The following BRD10 variants were observed in gnomAD, a reference collection of about 807,000 sequenced individuals.
BRD10 encodes uncharacterized bromodomain-containing protein 10.
chr9:5,976,503 G>A, the BRD10 span, among the ~76,000 whole-genome samples: 3 of 152,116 alleles, frequency 2.0e-5, no homozygotes, highest in African/African-American at 7.2e-5. Context: ...AGAGAAAACT[G>A]ATTTTGGTTA....
chr9:5,953,596 G>A, the BRD10 span, among the ~76,000 whole-genome samples: 1 of 151,854 alleles, frequency 6.6e-6, no homozygotes, highest in Non-Finnish European at 1.5e-5. Context: ...CCAAATAAAT[G>A]AAAACGAACT....
chr9:5,994,455 A>G, the BRD10 span, among the ~76,000 whole-genome samples: 1 of 152,192 alleles, frequency 6.6e-6, no homozygotes, highest in African/African-American at 2.4e-5. Flanking sequence ...AGCACTTATT[A>G]AAGACCATTA....
chr9:5,904,433 T>C, the BRD10 span, among the ~76,000 whole-genome samples: 3 of 152,196 alleles, frequency 2.0e-5, no homozygotes, highest in African/African-American at 7.2e-5. Flanking sequence ...GGACATTTTA[T>C]ATGATTCCAT....
chr9:5,949,934 T>C, the BRD10 span, among the ~76,000 whole-genome samples: 1 of 152,162 alleles, frequency 6.6e-6, no homozygotes, highest in East Asian at 1.9e-4. Context: ...AAAAGAATTT[T>C]ACCAATTTAA....
the BRD10 span, chr9:5,914,200 T>G: frequency 3.0e-6 from 1 of 335,094 alleles, no homozygotes; most frequent in South Asian, 2.5e-5. Context: ...AAGGTTAAAA[T>G]TGTAAGGGCT....
At chr9:5,920,209 T>G in the BRD10 span, 1 of 1,613,908 alleles carries the variant, frequency 6.2e-7, no homozygotes, top group South Asian at 1.1e-5. Context: ...ATTGAATGCC[T>G]TGGCCACTGT....
the BRD10 span, among the ~76,000 whole-genome samples, chr9:5,995,845 A>G: frequency 6.6e-6 from 1 of 152,224 alleles, no homozygotes; most frequent in Non-Finnish European, 1.5e-5. Flanking sequence ...ACAGGGATTT[A>G]GCAAAGAACA....
the BRD10 span, among the ~76,000 whole-genome samples, chr9:5,979,577 C>A: frequency 4.0e-5 from 6 of 151,606 alleles, no homozygotes; most frequent in African/African-American, 1.2e-4. Context: ...AAAAAAGGAA[C>A]AATGAACAGA....
At chr9:5,956,231 G>A in the BRD10 span, among the ~76,000 whole-genome samples, 3 of 152,034 alleles carry the variant, frequency 2.0e-5, no homozygotes, top group African/African-American at 7.2e-5. Flanking sequence ...CTAAACACAG[G>A]TACTAAATTC....
At chr9:5,922,858 G>T in the BRD10 span, 1 of 1,613,988 alleles carries the variant, frequency 6.2e-7, no homozygotes, top group African/African-American at 1.3e-5. Context: ...GCTTTATCGG[G>T]CTTGCTTCCG....
the BRD10 span, among the ~76,000 whole-genome samples, chr9:5,977,159 G>T: frequency 6.6e-6 from 1 of 152,194 alleles, no homozygotes; most frequent in Non-Finnish European, 1.5e-5. Context: ...CAACTGACTT[G>T]CTCCTAGAAG....
At chr9:5,897,620 T>C in the BRD10 span, 2 of 1,614,140 alleles carry the variant, frequency 1.2e-6, no homozygotes, top group Non-Finnish European at 8.5e-7. Flanking sequence ...GCTGTTGGTA[T>C]TGTAGAAGAC....
the BRD10 span, among the ~76,000 whole-genome samples, chr9:5,952,419 A>G: frequency 3.9e-5 from 6 of 152,314 alleles, no homozygotes; most frequent in Admixed American, 6.5e-5. Context: ...CACACATACA[A>G]TTGAAACCAA....
At chr9:5,981,900 G>A in the BRD10 span, among the ~76,000 whole-genome samples, 17 of 152,180 alleles carry the variant, frequency 1.1e-4, no homozygotes, top group African/African-American at 4.1e-4. Context: ...AAGTTGTTAA[G>A]AGATAAAAGA....
chr9:5,999,924 ACT>A, the BRD10 span, among the ~76,000 whole-genome samples: 1 of 152,082 alleles, frequency 6.6e-6, no homozygotes, highest in Non-Finnish European at 1.5e-5. Flanking sequence ...GCTTTTGAAC[ACT>A]GTGTCCATCC....
the BRD10 span, chr9:5,968,540 C>G: frequency 6.2e-7 from 1 of 1,613,522 alleles, no homozygotes; most frequent in South Asian, 1.1e-5. Flanking sequence ...GGATTTTACT[C>G]CCATTTCAAC....
chr9:5,934,424 T>C, the BRD10 span, among the ~76,000 whole-genome samples: 1 of 149,738 alleles, frequency 6.7e-6, no homozygotes, highest in Non-Finnish European at 1.5e-5. Flanking sequence ...AGAGGTACGA[T>C]GTCGGCTCAT....
At chr9:5,936,636 T>G in the BRD10 span, among the ~76,000 whole-genome samples, 3 of 152,210 alleles carry the variant, frequency 2.0e-5, no homozygotes, top group Non-Finnish European at 4.4e-5. Context: ...TCTAGTAAGA[T>G]GCTAAGAAAG....
chr9:5,913,937 C>T, the BRD10 span: 2 of 430,092 alleles, frequency 4.7e-6, no homozygotes, highest in Admixed American at 2.7e-5. Flanking sequence ...ATGACGCCTA[C>T]AGGAAGATGG....
Sources: gnomAD v4.1 joint callset for allele counts (sites outside exome capture counted in the v4.1 genomes callset) on GRCh38, gnomAD v4.1.1 for gene constraint, MANE v1.5 for transcripts, NCBI Gene and HGNC (gene_info 2026-07-23, HGNC 2026-07-21) for gene names.